Variants in FBXO11 observed in about 807,000 individuals in gnomAD.
FBXO11 encodes the protein F-box only protein 11.
FBXO11 carries 13 observed loss-of-function variants against 117.0 expected under a neutral mutation model. The observed-to-expected ratio is 0.11, with a 90% CI of 0.07 to 0.18. FBXO11 has a LOEUF of 0.18. FBXO11 is among the 10% of genes least tolerant of loss of function. The pLI, the probability that FBXO11 is intolerant of heterozygous loss-of-function variation, is 1.00. For missense variants in FBXO11, 767 were observed against 1,164.4 expected (o/e 0.66, Z 4.97); for synonymous variants, 490 against 380.5 (o/e 1.29, Z -3.35).
rs189644773 is a variant in FBXO11, at chr2:47,887,690, G to A, written c.232+17799C>T. Among the ~76,000 whole-genome samples, 17 of 151,962 alleles carry A rather than the reference G, an allele frequency of 1.1e-4. No individual in the cohort carries two copies. In the East Asian group the frequency reaches 1.8e-3, roughly 16 times the overall value. On this transcript the variant is annotated intron_variant, in intron 1 of 22. Transcript: ENST00000403359. ...ATTCTGGGCAACATGGTGAAATCTC[G>A]TCTTTACAAAAAATACAAAAATTAG...
At chr2:47,826,588 A>AT (rs1671770447) in intron 11 of FBXO11, among the ~76,000 whole-genome samples, 1 of 152,122 alleles carries the variant, frequency 6.6e-6, no homozygotes, top group African/African-American at 2.4e-5. Flanking sequence ...ATACTCACAC[A>AT]TTGTATCCTT....
intron 1 of FBXO11, among the ~76,000 whole-genome samples, chr2:47,901,574 C>G (rs1475369910): frequency 6.6e-6 from 1 of 151,968 alleles, no homozygotes; most frequent in East Asian, 1.9e-4. Context: ...GGCAATATTA[C>G]CTATTCAAAG....
chr2:47,832,775 A>T lies in FBXO11; in HGVS notation c.1147T>A (p.Cys383Ser). The T allele has an allele frequency of 1.2e-6, 2 of 1,612,236 alleles. No homozygotes were observed. Among genetic ancestry groups the T allele is most frequent in the Non-Finnish European group, 1.7e-6 (2 of 1,178,300 alleles). ...IIDHCIIRST[C>S]TVGSAVCVSG... ...ATATAAAGAAAACACTAACCTGTAC[A>T]TGTACTTCGGATGATACAGTGATCA... The change falls in exon 9 of 23, where the codon TGT (cysteine) becomes AGT (serine). Residue 383 changes from cysteine to serine, a missense_variant. Cys to Ser is a moderately radical substitution (Grantham distance 112, BLOSUM62 -1). Transcript: ENST00000403359.
chr2:47,900,638 ACGTATATACACACGTATACACACACG>A (rs1296506080), intron 1 of FBXO11, among the ~76,000 whole-genome samples: 4 of 33,846 alleles, frequency 1.2e-4, no homozygotes, highest in African/African-American at 5.0e-4. Context: ...ACACACACGT[ACGTATATACACACGTATACACACACG>A]TACGTATATA....
chr2:47,819,255 C>T (rs1671212404), intron 14 of FBXO11, among the ~76,000 whole-genome samples, 177 bp from the exon 15 acceptor site: 2 of 152,136 alleles, frequency 1.3e-5, no homozygotes, highest in Admixed American at 6.5e-5. Context: ...CTCGCTCTGT[C>T]GCCCAGGCTG....
At chr2:47,883,230 G>A (rs1393183256) in intron 1 of FBXO11, among the ~76,000 whole-genome samples, 1 of 152,104 alleles carries the variant, frequency 6.6e-6, no homozygotes, top group Non-Finnish European at 1.5e-5. Context: ...AGAATAAACT[G>A]AATTTTCCTG....
intron 5 of FBXO11, among the ~76,000 whole-genome samples, chr2:47,835,101 C>T (rs765561303): frequency 6.6e-6 from 1 of 152,130 alleles, no homozygotes; most frequent in African/African-American, 2.4e-5. Flanking sequence ...TATTTTAAGT[C>T]AGTTAATTCT....
chr2:47,896,330 C>CTTTTT (rs369438123), intron 1 of FBXO11, among the ~76,000 whole-genome samples: 1 of 142,970 alleles, frequency 7.0e-6, no homozygotes, highest in African/African-American at 2.6e-5. Context: ...TGTTTCTTTT[C>CTTTTT]TTTTTTTTTT....
rs908549111 is a variant in FBXO11, at chr2:47,903,445, G to A, written c.232+2044C>T. Among the ~76,000 whole-genome samples the A allele has an allele frequency of 9.9e-5, 15 of 152,152 alleles. 1 individual carries two copies. Among genetic ancestry groups the A allele is most frequent in the African/African-American group, 3.6e-4 (15 of 41,430 alleles). The stretch of plus-strand genomic sequence containing the variant: ...ATTGACAGTTTATAGACATCAATGA[G>A]AAGAAAATTGACACTGGCATGTGAC... On this transcript the variant is annotated intron_variant, in intron 1 of 22. Coordinates refer to ENST00000403359, the MANE Select transcript of FBXO11 (RefSeq NM_001190274.2).
At chr2:47,847,156 A>C (rs141648486) in intron 1 of FBXO11, among the ~76,000 whole-genome samples, 25 of 152,232 alleles carry the variant, frequency 1.6e-4, no homozygotes, top group Middle Eastern at 3.4e-3. Context: ...GAGCCAGGAG[A>C]ATTGCTTGAA....
intron 1 of FBXO11, among the ~76,000 whole-genome samples, chr2:47,856,925 G>A (rs1298502135): frequency 2.6e-5 from 4 of 152,178 alleles, no homozygotes; most frequent in South Asian, 2.1e-4. Flanking sequence ...TTAAGTATAT[G>A]ATTTAAAGCT....
At chr2:47,894,570 A>G (rs1468947888) in intron 1 of FBXO11, among the ~76,000 whole-genome samples, 1 of 152,196 alleles carries the variant, frequency 6.6e-6, no homozygotes, top group East Asian at 1.9e-4. Context: ...AAATACAAAA[A>G]AGATGTCTTC....
chr2:47,849,286 G>T (rs992336037), intron 1 of FBXO11, among the ~76,000 whole-genome samples: 14 of 152,088 alleles, frequency 9.2e-5, no homozygotes, highest in African/African-American at 3.4e-4. Context: ...CTTTTTAAAA[G>T]CTTGACTTGC....
chr2:47,895,967 T>C (rs1677632404), intron 1 of FBXO11, among the ~76,000 whole-genome samples: 1 of 152,228 alleles, frequency 6.6e-6, no homozygotes, highest in Non-Finnish European at 1.5e-5. Context: ...AGTGCTGGGA[T>C]TGCAGGCATG....
chr2:47,872,275 C>T (rs896228683), intron 1 of FBXO11, among the ~76,000 whole-genome samples: 1 of 152,156 alleles, frequency 6.6e-6, no homozygotes, highest in African/African-American at 2.4e-5. Flanking sequence ...TCCTGGCAGT[C>T]ATCAAGGGAT....
At chr2:47,854,092 CATTA>C (rs1289042577) in intron 1 of FBXO11, among the ~76,000 whole-genome samples, 1 of 152,194 alleles carries the variant, frequency 6.6e-6, no homozygotes, top group African/African-American at 2.4e-5. Context: ...GTATGTATCA[CATTA>C]ATTCTTTCCG....
chr2:47,877,072 T>C (rs1013545278), intron 1 of FBXO11, among the ~76,000 whole-genome samples: 1 of 151,982 alleles, frequency 6.6e-6, no homozygotes, highest in Non-Finnish European at 1.5e-5. Context: ...TCTTGCTCTG[T>C]TGCCCTGGCT....
At chr2:47,859,355 G>A (rs1327001965) in intron 1 of FBXO11, among the ~76,000 whole-genome samples, 2 of 152,098 alleles carry the variant, frequency 1.3e-5, no homozygotes, top group African/African-American at 2.4e-5. Context: ...AAAGTCAATG[G>A]TTCGCTTTTA....
Position 47,810,299 on chromosome 2 carries a change from GA to G in FBXO11, c.2338+16del. ...AGAACTATATATAAGCCACAGGTAA[GA>G]AAAGAAAATACAAACCTGCGGCAAA... On this transcript the variant is annotated intron_variant, in intron 19 of 22. Coordinates refer to ENST00000403359, the MANE Select transcript of FBXO11 (RefSeq NM_001190274.2). 6.5e-7 allele frequency: 1 copy of G among 1,529,868 alleles called. No homozygotes were observed. Among genetic ancestry groups the G allele is most frequent in the East Asian group, 2.3e-5 (1 of 44,108 alleles). The allele number at this position is 1,529,868 out of a possible 1,614,324, so 94.8% of individuals were successfully genotyped here.
Sources: allele counts gnomAD v4.1 joint callset (sites outside exome capture counted in the v4.1 genomes callset), GRCh38; gene constraint gnomAD v4.1.1; transcripts MANE v1.5; gene names NCBI Gene and HGNC (gene_info 2026-07-23, HGNC 2026-07-21).